Variants in DTNA observed in about 807,000 individuals in gnomAD.
The protein encoded by DTNA is dystrobrevin alpha, also known as dystrophin-related protein 3.
Under a neutral mutation model 100.7 loss-of-function variants are expected in DTNA, and 43 were observed. The observed-to-expected ratio is 0.43, with a 90% CI of 0.33 to 0.55. DTNA has a LOEUF of 0.55. DTNA is among the 20% of genes least tolerant of loss of function. The probability of loss-of-function intolerance (pLI) is 0.04; values close to 1 mark genes in which losing one functional copy is unlikely to be tolerated. For synonymous variants in DTNA, 349 were observed against 347.9 expected (o/e 1.00, Z -0.04); for missense variants, 798 against 953.9 (o/e 0.84, Z 2.15).
intron 7 of DTNA, chr18:34,817,947 T>G: frequency 1.4e-6 from 2 of 1,437,394 alleles, no homozygotes; most frequent in Middle Eastern, 2.6e-4. Flanking sequence ...AAAGGACACC[T>G]CTTCTCCATC....
chr18:34,721,021 C>A (rs1600795233), intron 1 of DTNA, among the ~76,000 whole-genome samples: 2 of 152,094 alleles, frequency 1.3e-5, no homozygotes, highest in African/African-American at 2.4e-5. Flanking sequence ...TTACTGTTTG[C>A]AAAATATTCA....
chr18:34,715,351 C>G (rs530217587), intron 1 of DTNA, among the ~76,000 whole-genome samples: 5 of 151,854 alleles, frequency 3.3e-5, no homozygotes, highest in East Asian at 1.9e-4. Context: ...ATTAACTGGT[C>G]TTCACTTCAT....
At chr18:34,848,849 G>A (rs938674327) in intron 14 of DTNA, among the ~76,000 whole-genome samples, 6 of 152,210 alleles carry the variant, frequency 3.9e-5, no homozygotes, top group African/African-American at 1.4e-4. Context: ...TCAACACATT[G>A]ATTCAGAATT....
intron 21 of DTNA, 114 bp from the exon 22 acceptor site, chr18:34,884,614 C>A: frequency 1.1e-6 from 1 of 900,392 alleles, no homozygotes; most frequent in Non-Finnish European, 1.8e-6. Flanking sequence ...ACTCAATAGA[C>A]TCTCTCTCTC....
intron 1 of DTNA, among the ~76,000 whole-genome samples, chr18:34,554,483 C>A (rs1319018598): frequency 1.3e-5 from 2 of 150,290 alleles, no homozygotes; most frequent in East Asian, 1.9e-4. Flanking sequence ...CCAGTTTTTG[C>A]CCATTTAGTA....
chr18:34,601,395 T>C (rs1235029670), intron 1 of DTNA, among the ~76,000 whole-genome samples: 18 of 152,222 alleles, frequency 1.2e-4, no homozygotes, highest in Admixed American at 8.5e-4. Context: ...GCATGTCTTA[T>C]GGAAAGCTGT....
chr18:34,888,190 T>A lies in DTNA; in HGVS notation c.*456T>A. ...CCTGTTCAGTTTACAATGACAATAT[T>A]AATACTGTTTATAGCTAGAAGTTTG... On this transcript the variant is annotated 3_prime_UTR_variant, in exon 23 of 23. Coordinates refer to ENST00000444659, the MANE Select transcript of DTNA (RefSeq NM_001386795.1). 1 of 985,894 alleles carries A rather than the reference T, an allele frequency of 1.0e-6. No homozygotes were observed. The highest frequency in any genetic ancestry group is 1.2e-6 in the Non-Finnish European group (1 of 829,930). The allele number at this position is 985,894 out of a possible 1,614,324, so 61.1% of individuals were successfully genotyped here. A position where few individuals can be genotyped will look rare whatever the true frequency, so the allele number is the denominator to read the frequency against.
At chr18:34,703,182 T>C (rs538083437) in intron 1 of DTNA, among the ~76,000 whole-genome samples, 10 of 152,322 alleles carry the variant, frequency 6.6e-5, no homozygotes, top group African/African-American at 1.9e-4. Flanking sequence ...AGAATTTAAA[T>C]ACAAAACTGG....
Position 34,879,686 on chromosome 18 carries a change from G to A in DTNA, c.2129G>A (p.Ser710Asn), listed in dbSNP as rs2096853144. 2.5e-6 allele frequency: 4 copies of A among 1,613,986 alleles called. No homozygotes were observed. Among genetic ancestry groups the A allele is most frequent in the South Asian group, 1.1e-5 (1 of 91,084 alleles). ...GCCCGAAAACCTGGGTACATTCACA[G>A]TGGAGCTACCACAAGTACCATGCGT... is the stretch of plus-strand genomic sequence containing the variant. ...IHARKPGYIH[S>N]GATTSTMRGD... The change falls in exon 20 of 23, where the codon AGT becomes AAT. Residue 710 changes from serine to asparagine, a missense_variant. This residue lies in a region of DTNA where 242 missense variants were observed against 238.2 expected (regional missense o/e 1.02). Transcript: ENST00000444659.
intron 1 of DTNA, among the ~76,000 whole-genome samples, chr18:34,687,304 C>G (rs2079043518): frequency 6.6e-6 from 1 of 152,138 alleles, no homozygotes; most frequent in South Asian, 2.1e-4. Flanking sequence ...CCTCTAAACA[C>G]TGTATAGCTG....
rs75265335 is a variant in DTNA at position 34,691,349 on chromosome 18, A to T, written c.-1-64627A>T. On this transcript the variant is annotated intron_variant, in intron 1 of 19. Coordinates refer to the DTNA transcript ENST00000283365. The stretch of plus-strand genomic sequence containing the variant: ...AATATGCCATTGCTCCTTTTACAAG[A>T]TTGCTTACGGATGTGTAATTTTGAG... Among the ~76,000 whole-genome samples the T allele has an allele frequency of 2.9e-3, 445 of 152,272 alleles. 2 individuals carry two copies. The highest frequency in any genetic ancestry group is 0.01 in the African/African-American group (419 of 41,550).
chr18:34,577,350 T>C (rs1026172795), intron 1 of DTNA, among the ~76,000 whole-genome samples: 3 of 152,188 alleles, frequency 2.0e-5, no homozygotes, highest in Non-Finnish European at 4.4e-5. Flanking sequence ...ATATGTGTTT[T>C]TATATTTAAA....
At chr18:34,631,392 A>G (rs948231787) in intron 1 of DTNA, among the ~76,000 whole-genome samples, 4 of 152,244 alleles carry the variant, frequency 2.6e-5, no homozygotes, top group African/African-American at 9.6e-5. Context: ...TAATTTCACA[A>G]TAACTCAATG....
chr18:34,793,140 A>G (rs895937017), intron 3 of DTNA, among the ~76,000 whole-genome samples: 1 of 152,234 alleles, frequency 6.6e-6, no homozygotes, highest in African/African-American at 2.4e-5. Flanking sequence ...AGTTATTAAG[A>G]ACTGAAGTTT....
intron 22 of DTNA, among the ~76,000 whole-genome samples, chr18:34,885,841 C>T (rs1176435130): frequency 6.6e-6 from 1 of 152,226 alleles, no homozygotes; most frequent in African/African-American, 2.4e-5. Flanking sequence ...AACACTGGGA[C>T]CCAGAACTAG....
At chr18:34,828,005 A>G (rs371243376) in intron 10 of DTNA, among the ~76,000 whole-genome samples, 96 of 152,284 alleles carry the variant, frequency 6.3e-4, no homozygotes, top group Middle Eastern at 6.8e-3. Flanking sequence ...AGTTGAAGTC[A>G]AAGAACTGGA....
chr18:34,513,264 AAGCTT>A (rs1327634454), intron 1 of DTNA, among the ~76,000 whole-genome samples: 2 of 152,136 alleles, frequency 1.3e-5, no homozygotes, highest in African/African-American at 4.8e-5. Flanking sequence ...CACAAGCAGA[AAGCTT>A]AATTAACAAC....
intron 17 of DTNA, chr18:34,868,893 G>A (rs975040955): frequency 5.9e-5 from 34 of 577,918 alleles, no homozygotes; most frequent in Admixed American, 4.4e-4. Context: ...CTCATAAAAC[G>A]TTTAATAATG....
intron 14 of DTNA, among the ~76,000 whole-genome samples, chr18:34,850,522 C>A (rs558659977): frequency 1.4e-4 from 21 of 152,252 alleles, no homozygotes; most frequent in Non-Finnish European, 2.6e-4. Context: ...AAAGCAAAAC[C>A]TTTACAAAAC....
Sources: allele counts gnomAD v4.1 joint callset (sites outside exome capture counted in the v4.1 genomes callset), GRCh38; gene constraint gnomAD v4.1.1; regional missense constraint gnomAD v4.1.1; transcripts MANE v1.5; gene names NCBI Gene and HGNC (gene_info 2026-07-23, HGNC 2026-07-21).